The following EYS variants were observed in gnomAD, a reference collection of about 807,000 sequenced individuals.
EYS encodes protein eyes shut homolog.
EYS carries 250 observed loss-of-function variants against 282.1 expected under a neutral mutation model. The observed-to-expected ratio is 0.89, with a 90% CI of 0.80 to 0.98. The LOEUF is 0.98. Ranked by LOEUF, EYS falls within the 50% of genes least tolerant of loss-of-function variation. EYS has a pLI of 0.00. For missense variants in EYS, 4,016 were observed against 3,709.0 expected, an observed-to-expected ratio of 1.08 and a Z score of -2.15; for synonymous variants, 1,355 against 1,282.9, an observed-to-expected ratio of 1.06 and a Z score of -1.20.
At chr6:63,829,573 A>G (rs978047991) in intron 36 of EYS, among the ~76,000 whole-genome samples, 1 of 152,332 alleles carries the variant, frequency 6.6e-6, no homozygotes. Context: ...GGAAGCTCAA[A>G]CTGGGTGGAA....
chr6:64,316,653 A>G lies in EYS; in HGVS notation c.6079-9571T>C, dbSNP rs148237040. 5.9e-3 allele frequency among the ~76,000 whole-genome samples: 898 copies of G among 152,308 alleles called. 8 individuals carry two copies. Among genetic ancestry groups the G allele is most frequent in the African/African-American group, 0.019 (802 of 41,570 alleles). On this transcript the variant is annotated intron_variant, in intron 29 of 42. Transcript: ENST00000503581. ...CCATACTGCCCAAAGTAATTTATAG[A>G]TTCAATTCTATCCCCATCAAGCTAC...
At chr6:64,903,819 A>G (rs1482053840) in intron 16 of EYS, among the ~76,000 whole-genome samples, 1 of 152,160 alleles carries the variant, frequency 6.6e-6, no homozygotes, top group African/African-American at 2.4e-5. Flanking sequence ...ATCAAACTGC[A>G]AACCTGCCTC....
rs1398428010 is a variant in EYS, at chr6:65,335,087, T to C, written c.1659A>G (p.Leu553=). The C allele has an allele frequency of 3.1e-6, 5 of 1,612,174 alleles. No individual in the cohort carries two copies. The East Asian group carries it at 6.7e-5, about 22-fold the overall frequency. ...TGTTGCCAGCCCATCTGAGAAAACA[T>C]AGATACCGATATTCCTGACTGTCTT... ...SEEDSQEYRY[L]CFLRWAGNMY... The change falls in exon 11 of 43, where the codon CTA becomes CTG. Residue 553 remains leucine (L), a synonymous_variant. Transcript: ENST00000503581.
At chr6:64,967,111 T>C (rs1583341410) in intron 14 of EYS, among the ~76,000 whole-genome samples, 1 of 152,222 alleles carries the variant, frequency 6.6e-6, no homozygotes, top group East Asian at 1.9e-4. Flanking sequence ...ATATTATCTT[T>C]AGCTTCAATT....
At chr6:63,817,487 C>T (rs1353048190) in intron 36 of EYS, among the ~76,000 whole-genome samples, 4 of 152,144 alleles carry the variant, frequency 2.6e-5, no homozygotes, top group African/African-American at 4.8e-5. Context: ...GAACCAATCG[C>T]GGATGCAGCT....
intron 36 of EYS, among the ~76,000 whole-genome samples, chr6:63,818,520 C>T (rs1771239525): frequency 6.6e-6 from 1 of 152,150 alleles, no homozygotes; most frequent in Non-Finnish European, 1.5e-5. Flanking sequence ...TTCCACCCTT[C>T]TCCTTCTCCC....
chr6:64,988,699 T>G lies in EYS; in HGVS notation c.2259+8883A>C, dbSNP rs1770950400. On this transcript the variant is annotated intron_variant, in intron 14 of 42. Transcript: ENST00000503581. The stretch of plus-strand genomic sequence containing the variant: ...TCCTCAAAGAATTGACATTAGTGGT[T>G]AAAGTAAATAATTAAACCCTGACAA... Among the ~76,000 whole-genome samples the G allele has an allele frequency of 2.0e-5, 3 of 151,604 alleles. No homozygotes were observed. In the Admixed American group the frequency reaches 2.0e-4, roughly 10 times the overall value.
At chr6:65,602,559 C>A (rs1305941384) in intron 2 of EYS, among the ~76,000 whole-genome samples, 1 of 151,952 alleles carries the variant, frequency 6.6e-6, no homozygotes, top group East Asian at 1.9e-4. Flanking sequence ...AGACACTGTT[C>A]TTGGAAGCAA....
intron 22 of EYS, among the ~76,000 whole-genome samples, chr6:64,637,606 A>T (rs1582983430): frequency 1.1e-5 from 1 of 90,622 alleles, no homozygotes; most frequent in East Asian, 2.5e-4. Flanking sequence ...TAACAAAATT[A>T]AAAAAAAGAG....
intron 2 of EYS, among the ~76,000 whole-genome samples, chr6:65,538,692 T>C (rs1022589308): frequency 3.3e-5 from 5 of 152,314 alleles, no homozygotes; most frequent in Non-Finnish European, 5.9e-5. Flanking sequence ...CACTAAAATA[T>C]AGTCGCAACA....
chr6:65,390,967 C>A (rs941378344), intron 7 of EYS, among the ~76,000 whole-genome samples: 1 of 151,976 alleles, frequency 6.6e-6, no homozygotes, highest in Non-Finnish European at 1.5e-5. Context: ...ACAGAGGGCA[C>A]AGTGGAAGAA....
intron 26 of EYS, among the ~76,000 whole-genome samples, chr6:64,562,832 A>C (rs1032159766): frequency 1.1e-4 from 17 of 151,926 alleles, no homozygotes; most frequent in Admixed American, 9.8e-4. Context: ...AATACTTACT[A>C]TGTCTTTCTT....
chr6:65,409,798 G>A (rs561124282), intron 5 of EYS, among the ~76,000 whole-genome samples: 1 of 152,094 alleles, frequency 6.6e-6, no homozygotes, highest in African/African-American at 2.4e-5. Context: ...CAACTTACTA[G>A]CCAGAAAACA....
intron 19 of EYS, among the ~76,000 whole-genome samples, chr6:64,838,995 A>T (rs1330233870): frequency 6.6e-6 from 1 of 152,062 alleles, no homozygotes; most frequent in Non-Finnish European, 1.5e-5. Flanking sequence ...TGACATATAG[A>T]ATTTAAGGTG....
chr6:64,265,380 T>C (rs1014870610), intron 30 of EYS, among the ~76,000 whole-genome samples: 3 of 152,250 alleles, frequency 2.0e-5, no homozygotes, highest in Non-Finnish European at 1.5e-5. Flanking sequence ...TCTGTAGGAA[T>C]TGATCACAAT....
intron 1 of EYS, among the ~76,000 whole-genome samples, chr6:65,662,633 T>C (rs1489755669): frequency 1.3e-5 from 2 of 152,164 alleles, no homozygotes; most frequent in Non-Finnish European, 2.9e-5. Context: ...AGCTCAATAA[T>C]CCATGCTCAG....
intron 22 of EYS, among the ~76,000 whole-genome samples, chr6:64,783,615 T>C (rs1340006860): frequency 1.3e-5 from 2 of 152,140 alleles, no homozygotes; most frequent in African/African-American, 2.4e-5. Flanking sequence ...ATGTGTCCTA[T>C]GTAAATAAAG....
At chr6:65,420,327 T>C (rs1405162168) in intron 5 of EYS, among the ~76,000 whole-genome samples, 1 of 151,902 alleles carries the variant, frequency 6.6e-6, no homozygotes, top group East Asian at 1.9e-4. Context: ...TCACCAGGAG[T>C]AGATTATATT....
intron 19 of EYS, among the ~76,000 whole-genome samples, chr6:64,880,846 A>G (rs960741194): frequency 3.3e-5 from 5 of 150,436 alleles, no homozygotes; most frequent in African/African-American, 1.2e-4. Flanking sequence ...ATACACACAC[A>G]CATATATTTC....
Sources: allele counts gnomAD v4.1 joint callset (sites outside exome capture counted in the v4.1 genomes callset), GRCh38; gene constraint gnomAD v4.1.1; transcripts MANE v1.5; gene names NCBI Gene and HGNC (gene_info 2026-07-23, HGNC 2026-07-21).